SDK1: variants seen among roughly 807,000 people sequenced by gnomAD.
The protein encoded by SDK1 is sidekick cell adhesion molecule 1, also known as protein sidekick-1.
SDK1 carries 157 observed loss-of-function variants against 245.5 expected under a neutral mutation model. The observed-to-expected ratio is 0.64, with a 90% CI of 0.56 to 0.73. SDK1 has a LOEUF of 0.73. Among genes scored for constraint, SDK1 ranks in the 30% least tolerant of loss-of-function variants. The probability of loss-of-function intolerance (pLI) is 0.00; values close to 1 mark genes in which losing one functional copy is unlikely to be tolerated. For missense variants in SDK1, 3,583 were observed against 3,002.3 expected, an observed-to-expected ratio of 1.19 and a Z score of -4.52; for synonymous variants, 1,647 against 1,278.5, an observed-to-expected ratio of 1.29 and a Z score of -6.15.
At chr7:3,839,323 A>T (rs1272063532) in intron 5 of SDK1, among the ~76,000 whole-genome samples, 5 of 152,336 alleles carry the variant, frequency 3.3e-5, no homozygotes, top group South Asian at 4.1e-4. Context: ...GATGGCTTTA[A>T]TAAGTGGGTA....
At chr7:3,968,433 C>T (rs1397856498) in intron 10 of SDK1, among the ~76,000 whole-genome samples, 1 of 152,198 alleles carries the variant, frequency 6.6e-6, no homozygotes, top group Non-Finnish European at 1.5e-5. Context: ...TCTCTTCCTT[C>T]TGGAAAACCA....
At chr7:3,523,378 G>T (rs1783009020) in intron 1 of SDK1, among the ~76,000 whole-genome samples, 2 of 152,260 alleles carry the variant, frequency 1.3e-5, no homozygotes, top group African/African-American at 4.8e-5. Context: ...ACAGATACAG[G>T]ATGTAGTTTC....
At chr7:3,919,622 A>G (rs1035400793) in intron 5 of SDK1, among the ~76,000 whole-genome samples, 5 of 152,118 alleles carry the variant, frequency 3.3e-5, no homozygotes, top group Non-Finnish European at 7.4e-5. Flanking sequence ...CATAGAATCT[A>G]TTTCAATGGA....
At chr7:3,964,352 C>G (rs1415264691) in intron 9 of SDK1, among the ~76,000 whole-genome samples, 3 of 152,184 alleles carry the variant, frequency 2.0e-5, no homozygotes, top group African/African-American at 7.2e-5. Context: ...CGCACTAAGC[C>G]CTCCTCTTTC....
intron 1 of SDK1, among the ~76,000 whole-genome samples, chr7:3,580,573 G>A (rs1412646926): frequency 1.3e-5 from 2 of 152,098 alleles, no homozygotes; most frequent in East Asian, 1.9e-4. Flanking sequence ...AATGGTGCTG[G>A]GATAACTGAC....
At chr7:3,597,806 G>A (rs192196100) in intron 1 of SDK1, among the ~76,000 whole-genome samples, 17 of 152,144 alleles carry the variant, frequency 1.1e-4, no homozygotes, top group African/African-American at 3.9e-4. Context: ...GAGATTCCTC[G>A]ATGGTGCTGA....
intron 1 of SDK1, among the ~76,000 whole-genome samples, chr7:3,485,025 G>A (rs942282269): frequency 1.3e-5 from 2 of 152,052 alleles, no homozygotes; most frequent in South Asian, 2.1e-4. Flanking sequence ...ACCCAGCAGC[G>A]GAATTGCTAG....
At chr7:3,724,050 G>A (rs1014439103) in intron 4 of SDK1, among the ~76,000 whole-genome samples, 2 of 149,476 alleles carry the variant, frequency 1.3e-5, no homozygotes, top group Non-Finnish European at 3.0e-5. Context: ...TGCAACCTCC[G>A]CCTCCCGGGT....
intron 5 of SDK1, among the ~76,000 whole-genome samples, chr7:3,834,608 C>G (rs1779989409): frequency 6.6e-6 from 1 of 152,198 alleles, no homozygotes; most frequent in Non-Finnish European, 1.5e-5. Flanking sequence ...AACCACCGTC[C>G]TTTCATTTGC....
At chr7:3,806,611 C>T (rs1281804907) in intron 4 of SDK1, among the ~76,000 whole-genome samples, 3 of 152,118 alleles carry the variant, frequency 2.0e-5, no homozygotes, top group Non-Finnish European at 4.4e-5. Context: ...GCACCAGTTA[C>T]ATACTGCTTG....
intron 28 of SDK1, among the ~76,000 whole-genome samples, chr7:4,142,262 C>T (rs1248920748): frequency 6.6e-6 from 1 of 151,948 alleles, no homozygotes; most frequent in Non-Finnish European, 1.5e-5. Flanking sequence ...TATTCAGATG[C>T]CTGAACTTAA....
rs1273612507 is a variant in SDK1, at chr7:3,478,400, CT to C, written c.299-140678del. Among the ~76,000 whole-genome samples the C allele has an allele frequency of 2.0e-5, 3 of 151,918 alleles. No individual in the cohort carries two copies. The East Asian group carries it at 5.8e-4, about 29-fold the overall frequency. On this transcript the variant is annotated intron_variant, in intron 1 of 44. Transcript: ENST00000404826. Reference sequence around the variant, plus strand: ...CTCTTATAAATGAGAGCTTCATTTTCTTATTTTTCAATTTGGGGAAAATTTT... The same window carrying C: ...CTCTTATAAATGAGAGCTTCATTTTCTATTTTTCAATTTGGGGAAAATTTT...
chr7:3,877,484 T>G (rs1276643358), intron 5 of SDK1, among the ~76,000 whole-genome samples: 2 of 152,202 alleles, frequency 1.3e-5, no homozygotes, highest in African/African-American at 4.8e-5. Context: ...CACATCTTTT[T>G]GGGGATTAGT....
At chr7:3,448,871 A>G (rs1469842892) in intron 1 of SDK1, among the ~76,000 whole-genome samples, 3 of 152,208 alleles carry the variant, frequency 2.0e-5, no homozygotes, top group East Asian at 3.8e-4. Flanking sequence ...TCAAATGTCA[A>G]ATGCTACCTG....
intron 38 of SDK1, among the ~76,000 whole-genome samples, chr7:4,217,463 A>G (rs879012105): frequency 9.0e-4 from 65 of 72,236 alleles, no homozygotes; most frequent in East Asian, 1.9e-3. Flanking sequence ...GGAGCACCAC[A>G]CCACCCGGAG....
At chr7:3,350,537 A>G (rs901127247) in intron 1 of SDK1, among the ~76,000 whole-genome samples, 1 of 152,190 alleles carries the variant, frequency 6.6e-6, no homozygotes, top group Non-Finnish European at 1.5e-5. Context: ...TACTGATAGT[A>G]TGTCATTTTG....
At chr7:3,655,826 C>A (rs570137651) in intron 4 of SDK1, among the ~76,000 whole-genome samples, 1 of 151,874 alleles carries the variant, frequency 6.6e-6, no homozygotes, top group Non-Finnish European at 1.5e-5. Flanking sequence ...GGCCCTGCCA[C>A]GTGGTCGCTG....
intron 1 of SDK1, among the ~76,000 whole-genome samples, chr7:3,350,266 C>T (rs1221553445): frequency 6.6e-6 from 1 of 152,052 alleles, no homozygotes; most frequent in African/African-American, 2.4e-5. Flanking sequence ...TGGAAAAAAA[C>T]AAAGTTTATC....
intron 14 of SDK1, among the ~76,000 whole-genome samples, chr7:3,990,303 C>T (rs948163726): frequency 1.3e-5 from 2 of 152,214 alleles, no homozygotes; most frequent in South Asian, 2.1e-4. Flanking sequence ...TCTCTGAGGC[C>T]GGAGTCCAGG....
Sources: allele counts gnomAD v4.1 joint callset (sites outside exome capture counted in the v4.1 genomes callset), GRCh38; gene constraint gnomAD v4.1.1; transcripts MANE v1.5; gene names NCBI Gene and HGNC (gene_info 2026-07-23, HGNC 2026-07-21).